SSBP3: variants seen among roughly 807,000 people sequenced by gnomAD.
The protein encoded by SSBP3 is single-stranded DNA-binding protein 3.
A neutral mutation model predicts 69.6 loss-of-function variants in SSBP3; 5 were observed. The observed-to-expected ratio is 0.07, with a 90% confidence interval of 0.04 to 0.15. The LOEUF (loss-of-function observed/expected upper bound fraction) is 0.15. SSBP3 is among the 10% of genes least tolerant of loss of function. The pLI is 1.00. For missense variants in SSBP3, 312 were observed against 534.0 expected, an observed-to-expected ratio of 0.58 and a Z score of 4.10; for synonymous variants, 196 against 193.4, an observed-to-expected ratio of 1.01 and a Z score of -0.11.
At chr1:54,401,927 G>A (rs1200048735) in exon 4 of SSBP3, 2 of 1,613,940 alleles carry the variant, frequency 1.2e-6, no homozygotes, top group Non-Finnish European at 1.7e-6. Flanking sequence ...GAGCTGCACA[G>A]TAAAGGTCCC....
chr1:54,331,717 C>T (rs777738985), intron 4 of SSBP3, among the ~76,000 whole-genome samples: 19 of 152,290 alleles, frequency 1.2e-4, no homozygotes, highest in Admixed American at 3.9e-4. Context: ...TGGATGGTCA[C>T]CAAAAAGGAA....
chr1:54,313,490 T>C (rs1646043158), intron 4 of SSBP3, among the ~76,000 whole-genome samples: 1 of 146,098 alleles, frequency 6.8e-6, no homozygotes, highest in African/African-American at 2.6e-5. Context: ...TCTCACTATG[T>C]TGCCGAGGCT....
chr1:54,347,859 G>A (rs958294995), intron 4 of SSBP3, among the ~76,000 whole-genome samples: 17 of 152,300 alleles, frequency 1.1e-4, no homozygotes, highest in African/African-American at 3.1e-4. Flanking sequence ...CACCTTCCTC[G>A]TGAACTTTCA....
chr1:54,265,877 G>T (rs1223504358), intron 5 of SSBP3, among the ~76,000 whole-genome samples: 4 of 152,214 alleles, frequency 2.6e-5, no homozygotes, highest in Non-Finnish European at 4.4e-5. Flanking sequence ...CAGACAGCAA[G>T]GGTTCAGGGT....
rs12086092 is a variant in SSBP3 at position 54,411,628 on chromosome 1, C to A, written c.-275+1728G>T. ...CAGAAGGCTGCCGGGCGCGGTGGTT[C>A]ACGCCTGTAATCCCGGCACTTGTGG... is the stretch of plus-strand genomic sequence containing the variant. On this transcript the variant is annotated intron_variant, in intron 1 of 8. Coordinates refer to the SSBP3 transcript ENST00000525990. Among the ~76,000 whole-genome samples the A allele has an allele frequency of 8.2e-3, 1,245 of 152,158 alleles. 12 individuals are homozygous for A. Among genetic ancestry groups the A allele is most frequent in the African/African-American group, 0.026 (1,066 of 41,504 alleles).
intron 4 of SSBP3, among the ~76,000 whole-genome samples, chr1:54,373,865 T>C (rs951243832): frequency 4.6e-5 from 7 of 151,820 alleles, no homozygotes; most frequent in Admixed American, 1.3e-4. Context: ...GAGGAAAGTG[T>C]CTGAGCTGAG....
chr1:54,257,932 TA>T, intron 6 of SSBP3, 136 bp downstream of exon 6: 3 of 802,552 alleles, frequency 3.7e-6, no homozygotes, highest in Admixed American at 3.7e-5. Flanking sequence ...AAGAAATTTC[TA>T]AAAAAATTTA....
At chr1:54,243,177 G>A in intron 10 of SSBP3, 58 bp downstream of exon 10, 1 of 1,522,402 alleles carries the variant, frequency 6.6e-7, no homozygotes, top group Non-Finnish European at 9.1e-7. Context: ...CAGGGTGCTG[G>A]CAGAGGGTGG....
chr1:54,388,845 G>C (rs1648273316), intron 4 of SSBP3, among the ~76,000 whole-genome samples: 1 of 152,194 alleles, frequency 6.6e-6, no homozygotes, highest in Non-Finnish European at 1.5e-5. Flanking sequence ...CATCTCCGGA[G>C]AGAACTCTGC....
intron 5 of SSBP3, among the ~76,000 whole-genome samples, chr1:54,267,142 A>G (rs1312252860): frequency 6.6e-6 from 1 of 152,086 alleles, no homozygotes; most frequent in African/African-American, 2.4e-5. Flanking sequence ...AAAAGGCTCC[A>G]CCTCGAATGG....
chr1:54,326,920 C>T (rs1646315038), intron 4 of SSBP3, among the ~76,000 whole-genome samples: 1 of 151,938 alleles, frequency 6.6e-6, no homozygotes, highest in Admixed American at 6.6e-5. Context: ...AGTTGGTCCT[C>T]CTGTTTGGTT....
chr1:54,321,066 G>A (rs1338138404), intron 4 of SSBP3, among the ~76,000 whole-genome samples: 1 of 152,206 alleles, frequency 6.6e-6, no homozygotes, highest in Non-Finnish European at 1.5e-5. Flanking sequence ...AGTGGCCTAA[G>A]GGAACATGGT....
intron 4 of SSBP3, among the ~76,000 whole-genome samples, chr1:54,337,096 T>C (rs1646520301): frequency 6.6e-6 from 1 of 152,236 alleles, no homozygotes; most frequent in Non-Finnish European, 1.5e-5. Context: ...ACACTGCTTC[T>C]CTGGGCTTCC....
intron 4 of SSBP3, among the ~76,000 whole-genome samples, chr1:54,349,850 C>A (rs1646753595): frequency 6.6e-6 from 1 of 152,136 alleles, no homozygotes; most frequent in African/African-American, 2.4e-5. Flanking sequence ...TTAGGTTCAA[C>A]CTTACCTGGC....
intron 4 of SSBP3, among the ~76,000 whole-genome samples, chr1:54,321,567 G>A (rs1321334445): frequency 6.6e-6 from 1 of 152,252 alleles, no homozygotes; most frequent in Non-Finnish European, 1.5e-5. Flanking sequence ...AGAGGCCTGG[G>A]AAGGCCTTAA....
chr1:54,323,818 A>T (rs1646255936), intron 4 of SSBP3, among the ~76,000 whole-genome samples: 1 of 152,162 alleles, frequency 6.6e-6, no homozygotes, highest in Non-Finnish European at 1.5e-5. Flanking sequence ...GTTGTGGTAG[A>T]GGGAGATAGG....
At chr1:54,297,646 A>C (rs1194317569) in intron 4 of SSBP3, among the ~76,000 whole-genome samples, 1 of 152,086 alleles carries the variant, frequency 6.6e-6, no homozygotes, top group African/African-American at 2.4e-5. Flanking sequence ...ACAAACAAAA[A>C]ACTGTCTGAG....
chr1:54,392,885 G>A (rs1264195416), intron 4 of SSBP3, among the ~76,000 whole-genome samples: 1 of 152,204 alleles, frequency 6.6e-6, no homozygotes, highest in Non-Finnish European at 1.5e-5. Context: ...ACGACTAGGA[G>A]AGTTACAGAG....
At position 54,312,456 on chromosome 1, in the gene SSBP3, C is replaced by T. The variant is rs540965901; in HGVS notation, c.277-30929G>A. 8.2e-4 allele frequency among the ~76,000 whole-genome samples: 124 copies of T among 151,880 alleles called. 1 individual carries two copies. The highest frequency in any genetic ancestry group is 7.9e-3 in the South Asian group (38 of 4,806). On this transcript the variant is annotated intron_variant, in intron 4 of 17. Transcript: ENST00000610401. The stretch of plus-strand genomic sequence containing the variant: ...AATATAAATTAGCCGGGTGTGGTGG[C>T]GGGTGCCTGTAATCCCAGCTACTTG...
Sources: allele counts gnomAD v4.1 joint callset (sites outside exome capture counted in the v4.1 genomes callset), GRCh38; gene constraint gnomAD v4.1.1; transcripts MANE v1.5; gene names NCBI Gene and HGNC (gene_info 2026-07-23, HGNC 2026-07-21).